RGP1: variants seen among roughly 807,000 people sequenced by gnomAD.
The protein encoded by RGP1 is RAB6A-GEF complex partner protein 2.
RGP1 carries 28 observed loss-of-function variants against 44.5 expected under a neutral mutation model. The ratio of observed to expected loss-of-function variants is 0.63; its 90% confidence interval spans 0.47 to 0.86. The LOEUF (loss-of-function observed/expected upper bound fraction) is 0.86. Among genes scored for constraint, RGP1 ranks in the 40% least tolerant of loss-of-function variants. The pLI is 0.00. For missense variants in RGP1, 417 were observed against 490.7 expected (o/e 0.85, Z 1.42); for synonymous variants, 212 against 196.7 (o/e 1.08, Z -0.65).
the RGP1 span, among the ~76,000 whole-genome samples, chr9:35,765,835 C>CT: frequency 5.4e-3 from 747 of 138,676 alleles, 7 homozygotes; most frequent in African/African-American, 0.013. Context: ...TTCTTTCTTT[C>CT]TTTTTTTTTT....
At chr9:35,778,300 G>A in the RGP1 span, among the ~76,000 whole-genome samples, 1 of 151,960 alleles carries the variant, frequency 6.6e-6, no homozygotes, top group Non-Finnish European at 1.5e-5. Flanking sequence ...GAAATTCTGT[G>A]TCAAAAAAAG....
Position 35,753,167 on chromosome 9 carries a change from C to T in RGP1, c.*293C>T, listed in dbSNP as rs373146480. 55 of 1,614,002 alleles carry T rather than the reference C, an allele frequency of 3.4e-5. No homozygotes were observed. Among genetic ancestry groups the T allele is most frequent in the Middle Eastern group, 1.6e-4 (1 of 6,084 alleles). On this transcript the variant is annotated 3_prime_UTR_variant, in exon 9 of 9. Coordinates refer to ENST00000378078, the MANE Select transcript of RGP1 (RefSeq NM_001080496.3). This position sits in a 1 kb window ranked among gnomAD's most constrained non-coding sequence, Gnocchi z 4.2. ...GGCTGAGCCCCATTCTGGGTCAGGC[C>T]CTCCCCCTTTGCAGGGCAGCCGAGG...
intron 3 of RGP1, 44 bp downstream of exon 3, chr9:35,750,423 T>G (rs781528268): frequency 3.7e-6 from 6 of 1,603,442 alleles, no homozygotes; most frequent in Non-Finnish European, 5.1e-6. Context: ...GTGCGGAGGG[T>G]GTGTGTGGAG....
intron 3 of RGP1, 47 bp from the exon 4 acceptor site, chr9:35,750,611 A>G (rs753138777): frequency 6.3e-7 from 1 of 1,587,718 alleles, no homozygotes; most frequent in African/African-American, 1.3e-5. Flanking sequence ...AGTCTTGTTC[A>G]GTACTGGACA....
the RGP1 span, among the ~76,000 whole-genome samples, chr9:35,764,417 G>A: frequency 6.6e-6 from 1 of 152,160 alleles, no homozygotes; most frequent in African/African-American, 2.4e-5. Flanking sequence ...TTACTAATGG[G>A]CTGCTTAATC....
At chr9:35,790,002 G>T in the RGP1 span, among the ~76,000 whole-genome samples, 449 of 152,216 alleles carry the variant, frequency 2.9e-3, 3 homozygotes, top group African/African-American at 0.01. Flanking sequence ...AATTCTTTCA[G>T]GAATTTTGTC....
chr9:35,779,823 C>T, the RGP1 span, among the ~76,000 whole-genome samples: 1 of 152,142 alleles, frequency 6.6e-6, no homozygotes, highest in Admixed American at 6.5e-5. Context: ...CAGCCTGAAT[C>T]TCTTGGGCAC....
At chr9:35,790,210 A>C in the RGP1 span, 1 of 153,206 alleles carries the variant, frequency 6.5e-6, no homozygotes, top group African/African-American at 2.4e-5. Flanking sequence ...TAGAGTTACC[A>C]ACCCCTCTGC....
the RGP1 span, among the ~76,000 whole-genome samples, chr9:35,778,676 A>G: frequency 6.6e-6 from 1 of 152,166 alleles, no homozygotes. Flanking sequence ...GCCTGCCTAC[A>G]TACCCACTCC....
the RGP1 span, among the ~76,000 whole-genome samples, chr9:35,780,859 C>G: frequency 6.6e-6 from 1 of 152,050 alleles, no homozygotes; most frequent in Non-Finnish European, 1.5e-5. Flanking sequence ...CGCCACTGCA[C>G]TCCAGCCTGG....
chr9:35,781,912 A>T, the RGP1 span, among the ~76,000 whole-genome samples: 1 of 151,734 alleles, frequency 6.6e-6, no homozygotes, highest in Non-Finnish European at 1.5e-5. Context: ...GTGTTCTATC[A>T]CAGTTATATC....
At chr9:35,768,414 A>T in the RGP1 span, among the ~76,000 whole-genome samples, 2 of 152,160 alleles carry the variant, frequency 1.3e-5, no homozygotes, top group Non-Finnish European at 2.9e-5. Context: ...GAGATGTCTG[A>T]CCCTGGAGGT....
Position 35,751,416 on chromosome 9 carries a change from A to G in RGP1, c.634+4A>G. The G allele has an allele frequency of 6.2e-7, 1 of 1,613,990 alleles. No homozygotes were observed. Among genetic ancestry groups the G allele is most frequent in the Non-Finnish European group, 8.5e-7 (1 of 1,179,886 alleles). On this transcript the variant is annotated splice_donor_region_variant and intron_variant, in intron 6 of 8. Coordinates refer to ENST00000378078, the MANE Select transcript of RGP1 (RefSeq NM_001080496.3). The stretch of plus-strand genomic sequence containing the variant: ...GCCACATCCTGCCGCAGCCTCCGTG[A>G]GAATTCTTTCAGAATTGTCCTACCC...
At position 35,753,452 on chromosome 9, in the gene RGP1, G is replaced by T; in HGVS notation, c.*578G>T. The T allele has an allele frequency of 1.2e-6, 1 of 812,556 alleles. No individual in the cohort carries two copies. Among genetic ancestry groups the T allele is most frequent in the Non-Finnish European group, 1.9e-6 (1 of 523,082 alleles). The allele number at this position is 812,556 out of a possible 1,614,324, so 50.3% of individuals were successfully genotyped here. On this transcript the variant is annotated 3_prime_UTR_variant, in exon 9 of 9. Transcript: ENST00000378078. The surrounding 1 kb of genome is among the most constrained non-coding windows in gnomAD (Gnocchi z 4.2). ...ATGTGGGCCTTTTTGTTTTATAACA[G>T]GAGTATTTTCTCTCCAGGTCCACCC...
chr9:35,778,202 T>C, the RGP1 span, among the ~76,000 whole-genome samples: 1 of 152,106 alleles, frequency 6.6e-6, no homozygotes, highest in Non-Finnish European at 1.5e-5. Flanking sequence ...CTCGGGAGGC[T>C]GAGGCAGGAG....
Position 35,750,364 on chromosome 9 carries a change from T to C in RGP1, c.238T>C (p.Phe80Leu). 1 of 1,613,964 alleles carries C rather than the reference T, an allele frequency of 6.2e-7. No individual in the cohort carries two copies. Among genetic ancestry groups the C allele is most frequent in the Non-Finnish European group, 8.5e-7 (1 of 1,179,870 alleles). Residue 80 changes from phenylalanine to leucine, a missense_variant, in exon 3 of 9, where the codon TTT (phenylalanine) becomes CTT (leucine). By Grantham distance (22) the Phe-to-Leu change is conservative (BLOSUM62 0). Transcript: ENST00000378078. ...TGTCCAGCCCGACAGCCAGACTGTCTTTCTGCCACACCGAGGTTAGAGAGG... is the reference window on the plus strand; with the variant it reads ...TGTCCAGCCCGACAGCCAGACTGTCCTTCTGCCACACCGAGGTTAGAGAGG... ...PDVQPDSQTV[F>L]LPHRGERGQC...
intron 3 of RGP1, 131 bp from the exon 4 acceptor site, chr9:35,750,527 G>A (rs1412326028): frequency 3.1e-6 from 4 of 1,289,810 alleles, no homozygotes; most frequent in African/African-American, 2.9e-5. Context: ...TTGCTTTAGG[G>A]GTAGAAGACT....
chr9:35,777,100 A>G, the RGP1 span, among the ~76,000 whole-genome samples: 1 of 146,898 alleles, frequency 6.8e-6, no homozygotes, highest in African/African-American at 2.5e-5. Context: ...GACATTATAC[A>G]TGAAGTTATC....
At chr9:35,759,567 CAAAAAAAAAAAAAAAAAAAA>C (rs57938702), downstream of RGP1, among the ~76,000 whole-genome samples, 3 of 38,308 alleles carry the variant, frequency 7.8e-5, no homozygotes, top group South Asian at 1.9e-3. Context: ...ACCCTGTCTC[CAAAAAAAAAAAAAAAAAAAA>C]AAAAAAAAAA....
Sources: gnomAD v4.1 joint callset for allele counts (sites outside exome capture counted in the v4.1 genomes callset) on GRCh38, gnomAD v4.1.1 for gene constraint, Gnocchi (gnomAD v3.1) non-coding constraint, MANE v1.5 for transcripts, NCBI Gene and HGNC (gene_info 2026-07-23, HGNC 2026-07-21) for gene names.